KCNQ5: variants seen among roughly 807,000 people sequenced by gnomAD.
KCNQ5 encodes potassium voltage-gated channel subfamily Q member 5, also known as potassium voltage-gated channel subfamily KQT member 5.
A neutral mutation model predicts 98.2 loss-of-function variants in KCNQ5; 30 were observed. The observed-to-expected ratio is 0.31, with a 90% CI of 0.23 to 0.41. The LOEUF is 0.41. Ranked by LOEUF, KCNQ5 falls within the 10% of genes least tolerant of loss-of-function variation. The pLI, the probability that KCNQ5 is intolerant of heterozygous loss-of-function variation, is 1.00. For missense variants in KCNQ5, 835 were observed against 1,182.5 expected (o/e 0.71, Z 4.31); for synonymous variants, 458 against 449.4 (o/e 1.02, Z -0.24).
chr6:72,695,532 T>G (rs1768442921), intron 1 of KCNQ5, among the ~76,000 whole-genome samples: 1 of 152,178 alleles, frequency 6.6e-6, no homozygotes, highest in Non-Finnish European at 1.5e-5. Flanking sequence ...CTCTGAATGT[T>G]ATTATCTTTA....
chr6:72,647,680 C>CT (rs1765667462), intron 1 of KCNQ5, among the ~76,000 whole-genome samples: 1 of 152,116 alleles, frequency 6.6e-6, no homozygotes, highest in South Asian at 2.1e-4. Flanking sequence ...GCAAGGAGCT[C>CT]TTTTTGCAAT....
At position 73,019,511 on chromosome 6, in the gene KCNQ5, G is replaced by A. The variant is rs78747640; in HGVS notation, c.489+15513G>A. Among the ~76,000 whole-genome samples, 443 of 152,154 alleles carry A rather than the reference G, an allele frequency of 2.9e-3. 5 individuals are homozygous for A. Among genetic ancestry groups the A allele is most frequent in the East Asian group, 0.025 (127 of 5,180 alleles). On this transcript the variant is annotated intron_variant, in intron 2 of 13. Transcript: ENST00000370398. ...ATCAACAACACAAACTAAGTTTGGCGGGTATCATCCTTAGGTCCCATAAAT... is the reference window on the plus strand; with the variant it reads ...ATCAACAACACAAACTAAGTTTGGCAGGTATCATCCTTAGGTCCCATAAAT...
chr6:72,917,049 T>C (rs1780177662), intron 1 of KCNQ5, among the ~76,000 whole-genome samples: 1 of 152,212 alleles, frequency 6.6e-6, no homozygotes, highest in Non-Finnish European at 1.5e-5. Context: ...TCAGCGTTCT[T>C]ACACATCCAC....
At chr6:73,154,782 G>A (rs1472901129) in intron 10 of KCNQ5, among the ~76,000 whole-genome samples, 1 of 152,082 alleles carries the variant, frequency 6.6e-6, no homozygotes, top group Non-Finnish European at 1.5e-5. Flanking sequence ...TGGGCTAATA[G>A]GGGAAGATTC....
chr6:72,842,804 A>G (rs1449209791), intron 1 of KCNQ5, among the ~76,000 whole-genome samples: 1 of 151,998 alleles, frequency 6.6e-6, no homozygotes, highest in Non-Finnish European at 1.5e-5. Flanking sequence ...GTGTCTGTTT[A>G]TATCTTTTGC....
At chr6:72,937,844 G>C (rs1215100144) in intron 1 of KCNQ5, among the ~76,000 whole-genome samples, 1 of 152,074 alleles carries the variant, frequency 6.6e-6, no homozygotes, top group African/African-American at 2.4e-5. Context: ...TCTACATAAA[G>C]GTCCAAATAT....
rs542227537 is a variant in KCNQ5, at chr6:72,767,553, C to G, written c.398+144966C>G. On this transcript the variant is annotated intron_variant, in intron 1 of 13. Transcript: ENST00000370398. Reference sequence around the variant, plus strand: ...CACCATAAAGAAAGTGAAAAGAGAACCCACAGAATGGGAGAAAATATTTGC... The same window carrying G: ...CACCATAAAGAAAGTGAAAAGAGAAGCCACAGAATGGGAGAAAATATTTGC... Among the ~76,000 whole-genome samples, 27 of 151,902 alleles carry G rather than the reference C, an allele frequency of 1.8e-4. 2 individuals are homozygous for G. Among genetic ancestry groups the G allele is most frequent in the African/African-American group, 6.5e-4 (27 of 41,488 alleles).
chr6:72,824,759 G>C (rs1398430660), intron 1 of KCNQ5, among the ~76,000 whole-genome samples: 1 of 151,574 alleles, frequency 6.6e-6, no homozygotes, highest in Admixed American at 6.6e-5. Flanking sequence ...CCTACATTTA[G>C]TCTCTCTCTC....
At chr6:73,004,738 C>T (rs1413203688) in intron 2 of KCNQ5, among the ~76,000 whole-genome samples, 1 of 152,028 alleles carries the variant, frequency 6.6e-6, no homozygotes, top group African/African-American at 2.4e-5. Flanking sequence ...CTATTTTGAC[C>T]CACTCACTTT....
At chr6:73,103,839 AT>A (rs1434003890) in intron 5 of KCNQ5, among the ~76,000 whole-genome samples, 1 of 152,172 alleles carries the variant, frequency 6.6e-6, no homozygotes, top group Non-Finnish European at 1.5e-5. Flanking sequence ...TTAATTGTAC[AT>A]TTTAAAATAA....
chr6:72,737,345 GA>G (rs1184139263), intron 1 of KCNQ5, among the ~76,000 whole-genome samples: 1 of 152,098 alleles, frequency 6.6e-6, no homozygotes, highest in Non-Finnish European at 1.5e-5. Flanking sequence ...AATGAAAGAA[GA>G]AAAAATACGT....
Position 72,863,651 on chromosome 6 carries a change from C to A in KCNQ5, c.399-140257C>A, listed in dbSNP as rs191902904. Among the ~76,000 whole-genome samples, 1,120 of 152,246 alleles carry A rather than the reference C, an allele frequency of 7.4e-3. 8 individuals are homozygous for A. The highest frequency in any genetic ancestry group is 0.017 in the Middle Eastern group (5 of 294). On this transcript the variant is annotated intron_variant, in intron 1 of 13. Transcript: ENST00000370398. ...GTAATGGGGAGTAGGTAGACCCAAACAAGATTGGTCAGTTTCTACCTGGAC... is the reference window on the plus strand; with the variant it reads ...GTAATGGGGAGTAGGTAGACCCAAAAAAGATTGGTCAGTTTCTACCTGGAC...
intron 5 of KCNQ5, among the ~76,000 whole-genome samples, chr6:73,099,102 A>G (rs7743780): frequency 0.96 from 145,566 of 152,122 alleles, 69,643 homozygotes; most frequent in South Asian, 0.98. Context: ...GGGTTATAAG[A>G]TATTATTTGC....
intron 1 of KCNQ5, among the ~76,000 whole-genome samples, chr6:72,768,590 A>C (rs1012997611): frequency 4.6e-5 from 7 of 152,074 alleles, no homozygotes. Context: ...ATGAGTCCAC[A>C]TGGAAAACGG....
intron 1 of KCNQ5, among the ~76,000 whole-genome samples, chr6:72,790,100 T>G (rs1221379776): frequency 6.6e-6 from 1 of 152,234 alleles, no homozygotes; most frequent in African/African-American, 2.4e-5. Context: ...ATTAAAATGT[T>G]GTTTTAAATA....
chr6:73,088,419 C>G (rs1774082865), intron 5 of KCNQ5, among the ~76,000 whole-genome samples: 1 of 152,180 alleles, frequency 6.6e-6, no homozygotes, highest in Admixed American at 6.5e-5. Flanking sequence ...ATAACCCTTT[C>G]CCGATTGTTC....
At chr6:73,051,743 A>G (rs926633439) in intron 3 of KCNQ5, among the ~76,000 whole-genome samples, 4 of 143,370 alleles carry the variant, frequency 2.8e-5, no homozygotes, top group African/African-American at 7.7e-5. Context: ...AAAAAAAACT[A>G]TCCAAAGGAC....
At chr6:72,754,424 G>A (rs1484724884) in intron 1 of KCNQ5, among the ~76,000 whole-genome samples, 1 of 152,008 alleles carries the variant, frequency 6.6e-6, no homozygotes, top group Non-Finnish European at 1.5e-5. Context: ...TGTGGTTTGA[G>A]AGCATATTTT....
At chr6:72,755,906 C>T (rs1771944722) in intron 1 of KCNQ5, among the ~76,000 whole-genome samples, 1 of 152,120 alleles carries the variant, frequency 6.6e-6, no homozygotes, top group African/African-American at 2.4e-5. Flanking sequence ...GGCTTCATGC[C>T]TGTCCTCCAG....
Sources: allele counts gnomAD v4.1 joint callset (sites outside exome capture counted in the v4.1 genomes callset), GRCh38; gene constraint gnomAD v4.1.1; transcripts MANE v1.5; gene names NCBI Gene and HGNC (gene_info 2026-07-23, HGNC 2026-07-21).